Variants in PEX5L observed in about 807,000 individuals in gnomAD.
The protein encoded by PEX5L is peroxisomal biogenesis factor 5 like.
Under a neutral mutation model 84.0 loss-of-function variants are expected in PEX5L, and 30 were observed. The observed-to-expected ratio is 0.36, with a 90% CI of 0.27 to 0.48. The LOEUF is 0.48. PEX5L is among the 20% of genes least tolerant of loss of function. PEX5L has a pLI of 0.99. For missense variants in PEX5L, 533 were observed against 754.6 expected, an observed-to-expected ratio of 0.71 and a Z score of 3.44; for synonymous variants, 270 against 283.1, an observed-to-expected ratio of 0.95 and a Z score of 0.46.
At chr3:179,967,197 G>A (rs915170936) in intron 2 of PEX5L, among the ~76,000 whole-genome samples, 7 of 152,158 alleles carry the variant, frequency 4.6e-5, no homozygotes, top group Admixed American at 2.6e-4. Context: ...TCAGTAATGA[G>A]CAATGGTACA....
At chr3:179,891,931 AC>A (rs1757747754) in intron 3 of PEX5L, among the ~76,000 whole-genome samples, 2 of 152,178 alleles carry the variant, frequency 1.3e-5, no homozygotes, top group African/African-American at 2.4e-5. Flanking sequence ...AAATTGTATA[AC>A]ATTTATTCTT....
intron 14 of PEX5L, 97 bp downstream of exon 14, chr3:179,807,577 T>G: frequency 8.4e-7 from 1 of 1,190,564 alleles, no homozygotes; most frequent in Non-Finnish European, 1.2e-6. Context: ...GGAATACTCC[T>G]ACCAAGGCAG....
At chr3:180,007,947 A>G (rs1789076832) in intron 1 of PEX5L, among the ~76,000 whole-genome samples, 1 of 152,150 alleles carries the variant, frequency 6.6e-6, no homozygotes, top group East Asian at 1.9e-4. Context: ...TGGCCTGGAG[A>G]CTTTTTCCTC....
chr3:180,023,191 T>C (rs1164504522), intron 1 of PEX5L, among the ~76,000 whole-genome samples: 2 of 152,190 alleles, frequency 1.3e-5, no homozygotes, highest in Non-Finnish European at 2.9e-5. Context: ...TGGTCCAACC[T>C]GTATGCTGCA....
intron 1 of PEX5L, among the ~76,000 whole-genome samples, chr3:180,001,495 T>G (rs1162931492): frequency 6.7e-6 from 1 of 150,234 alleles, no homozygotes; most frequent in Non-Finnish European, 1.5e-5. Context: ...GAAAACAAAT[T>G]TTTTTTTTGT....
chr3:179,973,679 T>C (rs1188259779), intron 1 of PEX5L: 4 of 985,302 alleles, frequency 4.1e-6, no homozygotes, highest in Non-Finnish European at 4.8e-6. Flanking sequence ...CAGAACATCA[T>C]TCGAAACTGC....
intron 8 of PEX5L, among the ~76,000 whole-genome samples, chr3:179,852,980 T>TA (rs1250318318): frequency 6.6e-6 from 1 of 152,216 alleles, no homozygotes; most frequent in African/African-American, 2.4e-5. Context: ...AATAAATTGT[T>TA]AATTTGTTCA....
intron 2 of PEX5L, among the ~76,000 whole-genome samples, chr3:179,966,262 C>A (rs555791799): frequency 6.6e-6 from 1 of 152,248 alleles, no homozygotes; most frequent in South Asian, 2.1e-4. Flanking sequence ...CTCCTTTCTG[C>A]AACTCTAGAG....
At chr3:180,036,334 G>C (rs995385447) in intron 1 of PEX5L, among the ~76,000 whole-genome samples, 2 of 152,096 alleles carry the variant, frequency 1.3e-5, no homozygotes, top group African/African-American at 4.8e-5. Flanking sequence ...AAAGAAACAG[G>C]CTCAGGGAAT....
chr3:179,886,365 G>A (rs1755854712), intron 4 of PEX5L, among the ~76,000 whole-genome samples: 2 of 152,166 alleles, frequency 1.3e-5, no homozygotes, highest in Non-Finnish European at 2.9e-5. Flanking sequence ...TACTGAAAGT[G>A]AGAGCTGAAT....
Position 180,036,833 on chromosome 3 carries a change from G to C in PEX5L, c.-234C>G. ...AAGCGGACGCGGGAGAGCGCGCAGA[G>C]AAGGCGAGGAGCCGGGTCGGCCAGG... On this transcript the variant is annotated 5_prime_UTR_variant, in exon 1 of 15. Transcript: ENST00000467460. 1 of 568,478 alleles carries C rather than the reference G, an allele frequency of 1.8e-6. No individual in the cohort carries two copies. The highest frequency in any genetic ancestry group is 3.2e-6 in the Non-Finnish European group (1 of 314,818). 35.2% of individuals were successfully genotyped at this position (568,478 alleles called of 1,614,324 possible).
chr3:179,861,912 G>A (rs1179516197), intron 7 of PEX5L, among the ~76,000 whole-genome samples: 1 of 152,216 alleles, frequency 6.6e-6, no homozygotes, highest in African/African-American at 2.4e-5. Flanking sequence ...TCATGTGAGA[G>A]AATTTTCTAA....
intron 2 of PEX5L, among the ~76,000 whole-genome samples, chr3:179,911,389 A>G (rs1168214808): frequency 1.3e-5 from 2 of 152,140 alleles, no homozygotes; most frequent in African/African-American, 2.4e-5. Context: ...CTCAGAAACA[A>G]TAATACTTTC....
chr3:179,807,639 A>G, intron 14 of PEX5L, 35 bp downstream of exon 14: 3 of 1,600,660 alleles, frequency 1.9e-6, no homozygotes, highest in South Asian at 2.2e-5. Context: ...AGTCCTGGGC[A>G]TGGCCTTCAT....
At chr3:180,002,607 C>T (rs939667857) in intron 1 of PEX5L, among the ~76,000 whole-genome samples, 1 of 152,024 alleles carries the variant, frequency 6.6e-6, no homozygotes, top group Non-Finnish European at 1.5e-5. Context: ...TATAGTATAT[C>T]CATTTACTCT....
At chr3:180,007,910 GA>G (rs1789071910) in intron 1 of PEX5L, among the ~76,000 whole-genome samples, 1 of 152,236 alleles carries the variant, frequency 6.6e-6, no homozygotes, top group Non-Finnish European at 1.5e-5. Context: ...CCTGTGATGG[GA>G]GGGACTGCCA....
chr3:179,868,030 C>A (rs1748954467), intron 7 of PEX5L, among the ~76,000 whole-genome samples: 2 of 69,252 alleles, frequency 2.9e-5, no homozygotes, highest in African/African-American at 4.1e-5. Context: ...TGTATTTATT[C>A]TTCTTCTTCT....
chr3:179,855,285 GAAA>G (rs774136477), intron 8 of PEX5L, among the ~76,000 whole-genome samples: 1 of 152,156 alleles, frequency 6.6e-6, no homozygotes, highest in Non-Finnish European at 1.5e-5. Context: ...AGAGATTTTG[GAAA>G]AATTCAACTT....
intron 2 of PEX5L, among the ~76,000 whole-genome samples, chr3:179,942,461 C>T (rs866140756): frequency 1.3e-5 from 2 of 152,242 alleles, no homozygotes; most frequent in East Asian, 1.9e-4. Context: ...TGACCGCGCC[C>T]GCTGCGCGCA....
Sources: gnomAD v4.1 joint callset for allele counts (sites outside exome capture counted in the v4.1 genomes callset) on GRCh38, gnomAD v4.1.1 for gene constraint, MANE v1.5 for transcripts, NCBI Gene and HGNC (gene_info 2026-07-23, HGNC 2026-07-21) for gene names.